The following AMZ1 variants were observed in gnomAD, a reference collection of about 807,000 sequenced individuals.
The protein encoded by AMZ1 is archaemetzincin-1.
Under a neutral mutation model 29.9 loss-of-function variants are expected in AMZ1, and 39 were observed. The ratio of observed to expected loss-of-function variants is 1.30; its 90% CI spans 1.01 to 1.70. The LOEUF is 1.70. AMZ1 is among the 40% of genes most tolerant of loss of function. The pLI is 0.00. For synonymous variants in AMZ1, 458 were observed against 304.0 expected, an observed-to-expected ratio of 1.51 and a Z score of -5.27; for missense variants, 1,041 against 680.6, an observed-to-expected ratio of 1.53 and a Z score of -5.89.
chr7:2,729,151 C>T lies in AMZ1; in HGVS notation n.550+19335C>T, dbSNP rs1209228650. ...TGTCGCCAACAGCGCCGCGAAGAGG[C>T]TCTCCCCGTTGGCGGAGGACCCGCT... On this transcript the variant is annotated intron_variant and non_coding_transcript_variant, in intron 4 of 4. Coordinates refer to the AMZ1 transcript ENST00000489665. 3 of 152,434 alleles carry T rather than the reference C, an allele frequency of 2.0e-5. No homozygotes were observed. In the East Asian group the frequency reaches 5.6e-4, roughly 29 times the overall value. 9.4% of individuals were successfully genotyped at this position (152,434 alleles called of 1,614,324 possible).
intron 1 of AMZ1, among the ~76,000 whole-genome samples, chr7:2,696,520 G>C (rs1171639617): frequency 6.6e-6 from 1 of 150,432 alleles, no homozygotes; most frequent in African/African-American, 2.4e-5. Context: ...GCCTCCCAAA[G>C]TGCTGTGATT....
At chr7:2,692,491 G>A (rs1197066815) in intron 1 of AMZ1, among the ~76,000 whole-genome samples, 1 of 152,162 alleles carries the variant, frequency 6.6e-6, no homozygotes. Context: ...GCAGTGAGCC[G>A]AGATTGTGCC....
chr7:2,708,290 C>G (rs1324984008), intron 3 of AMZ1, among the ~76,000 whole-genome samples: 1 of 152,186 alleles, frequency 6.6e-6, no homozygotes, highest in African/African-American at 2.4e-5. Context: ...GAGGTGGCTT[C>G]TCCTTCCTGG....
intron 1 of AMZ1, among the ~76,000 whole-genome samples, chr7:2,699,999 TC>T (rs1315449064): frequency 6.6e-6 from 1 of 152,094 alleles, no homozygotes; most frequent in Non-Finnish European, 1.5e-5. Flanking sequence ...ACTGTGACCG[TC>T]CCCTGGGTGG....
chr7:2,705,799 G>A (rs1019015537), intron 3 of AMZ1, among the ~76,000 whole-genome samples: 3 of 152,308 alleles, frequency 2.0e-5, no homozygotes, highest in East Asian at 1.9e-4. Flanking sequence ...CTACAGTGGG[G>A]TCTGGGGACA....
chr7:2,744,170 T>C (rs560498204), intron 4 of AMZ1, among the ~76,000 whole-genome samples: 19 of 151,938 alleles, frequency 1.3e-4, no homozygotes, highest in African/African-American at 3.4e-4. Flanking sequence ...TTGAAGAGAG[T>C]AGTGGTTCTC....
rs1487945308 is a variant in AMZ1, at chr7:2,708,722, C to G, written c.601+6C>G. ...CAAGTTCCTTCCAGGGCACGGTGAGCCGGGGCCCCAGCAGCTGTGCGTGGG... is the reference window on the plus strand; with the variant it reads ...CAAGTTCCTTCCAGGGCACGGTGAGGCGGGGCCCCAGCAGCTGTGCGTGGG... On this transcript the variant is annotated splice_donor_region_variant and intron_variant, in intron 4 of 6. Coordinates refer to ENST00000683327, the MANE Select transcript of AMZ1 (RefSeq NM_001384743.1). 4 of 1,612,120 alleles carry G rather than the reference C, an allele frequency of 2.5e-6. No individual in the cohort carries two copies. Among genetic ancestry groups the G allele is most frequent in the Non-Finnish European group, 1.7e-6 (2 of 1,179,982 alleles).
At position 2,712,932 on chromosome 7, in the gene AMZ1, C is replaced by A; in HGVS notation, c.*54C>A. The A allele has an allele frequency of 6.8e-7, 1 of 1,479,450 alleles. No individual in the cohort carries two copies. Among genetic ancestry groups the A allele is most frequent in the East Asian group, 2.4e-5 (1 of 41,562 alleles). The allele number at this position is 1,479,450 out of a possible 1,614,324, so 91.6% of individuals were successfully genotyped here. On this transcript the variant is annotated 3_prime_UTR_variant, in exon 7 of 7. Transcript: ENST00000683327. The stretch of plus-strand genomic sequence containing the variant: ...CCCTAAGGATGCTGGCCAGCACTGT[C>A]CAGTAGCTGAGGCCACTACTGACCT...
At position 2,717,676 on chromosome 7, in the gene AMZ1, C is replaced by G. The variant is rs187043798; in HGVS notation, c.*4798C>G. Among the ~76,000 whole-genome samples the G allele has an allele frequency of 7.9e-5, 12 of 152,308 alleles. No individual in the cohort carries two copies. In the East Asian group the frequency reaches 1.4e-3, roughly 17 times the overall value. On this transcript the variant is annotated 3_prime_UTR_variant, in exon 7 of 7. Coordinates refer to ENST00000683327, the MANE Select transcript of AMZ1 (RefSeq NM_001384743.1). ...CGGCTTGACTGTAAAGAGCCCTGGCCTGCGAACGCTGTTAAAAACAGATGC... is the reference window on the plus strand; with the variant it reads ...CGGCTTGACTGTAAAGAGCCCTGGCGTGCGAACGCTGTTAAAAACAGATGC...
chr7:2,748,565 A>T (rs1356121420), intron 4 of AMZ1, among the ~76,000 whole-genome samples: 5 of 152,110 alleles, frequency 3.3e-5, no homozygotes, highest in Non-Finnish European at 7.4e-5. Context: ...CCCTAGAAGA[A>T]AACCTAGGCA....
rs1353731819 is a variant in AMZ1, at chr7:2,718,957, C to A, written c.*6079C>A. On this transcript the variant is annotated 3_prime_UTR_variant, in exon 7 of 7. Coordinates refer to ENST00000683327, the MANE Select transcript of AMZ1 (RefSeq NM_001384743.1). ...ACAGGAGAGCTCCGGCCATTTATTCCAAATGTATGAGCAGGAAGGAAAGAG... is the reference window on the plus strand; with the variant it reads ...ACAGGAGAGCTCCGGCCATTTATTCAAAATGTATGAGCAGGAAGGAAAGAG... Among the ~76,000 whole-genome samples the A allele has an allele frequency of 6.6e-6, 1 of 151,720 alleles. No homozygotes were observed. The highest frequency in any genetic ancestry group is 2.4e-5 in the African/African-American group (1 of 41,302).
At chr7:2,707,416 A>C (rs146194239) in intron 3 of AMZ1, among the ~76,000 whole-genome samples, 1 of 151,934 alleles carries the variant, frequency 6.6e-6, no homozygotes, top group African/African-American at 2.4e-5. Context: ...TAACTCTGAG[A>C]CCCTCTCCGG....
intron 4 of AMZ1, among the ~76,000 whole-genome samples, chr7:2,726,465 C>T (rs894447603): frequency 2.6e-5 from 4 of 152,202 alleles, no homozygotes; most frequent in African/African-American, 4.8e-5. Flanking sequence ...GCTCAGCACA[C>T]TGCCCGGGTG....
chr7:2,745,378 G>C (rs1053443495), intron 4 of AMZ1, among the ~76,000 whole-genome samples: 5 of 152,204 alleles, frequency 3.3e-5, no homozygotes, highest in Non-Finnish European at 7.3e-5. Flanking sequence ...CATTCTTAAA[G>C]AAAATAATTT....
chr7:2,707,793 G>T (rs1016952871), intron 3 of AMZ1, among the ~76,000 whole-genome samples: 1 of 145,320 alleles, frequency 6.9e-6, no homozygotes, highest in African/African-American at 2.5e-5. Flanking sequence ...TTCTCACCCA[G>T]ACCCCCTGCT....
At chr7:2,682,974 G>A (rs1484865333) in intron 1 of AMZ1, among the ~76,000 whole-genome samples, 2 of 152,202 alleles carry the variant, frequency 1.3e-5, no homozygotes, top group Non-Finnish European at 2.9e-5. Context: ...CCACAGCACT[G>A]TCTGCCTGCA....
chr7:2,744,059 G>A (rs1335938173), intron 4 of AMZ1, among the ~76,000 whole-genome samples: 1 of 152,228 alleles, frequency 6.6e-6, no homozygotes, highest in Non-Finnish European at 1.5e-5. Flanking sequence ...AGCTCAAGGA[G>A]GCCTGCCTGC....
In AMZ1 at chr7:2,731,674, A is replaced by G; in HGVS notation, n.550+21858A>G. On this transcript the variant is annotated intron_variant and non_coding_transcript_variant, in intron 4 of 4. Transcript: ENST00000489665. This position sits in a 1 kb window ranked among gnomAD's most constrained non-coding sequence, Gnocchi z 6.0. ...CACCATCTTAAAGGGGATCTTCTTA[A>G]TAACGAAGTCATGCTCCACAATTCC... 6.2e-7 allele frequency: 1 copy of G among 1,609,712 alleles called. No homozygotes were observed. Among genetic ancestry groups the G allele is most frequent in the Non-Finnish European group, 8.5e-7 (1 of 1,177,854 alleles).
chr7:2,732,546 A>G (rs552951591), intron 4 of AMZ1, among the ~76,000 whole-genome samples: 15 of 152,284 alleles, frequency 9.9e-5, no homozygotes, highest in Admixed American at 2.6e-4. Flanking sequence ...ACCCTGTCTC[A>G]AAAAATCGAA....
Sources: gnomAD v4.1 joint callset for allele counts (sites outside exome capture counted in the v4.1 genomes callset) on GRCh38, gnomAD v4.1.1 for gene constraint, Gnocchi (gnomAD v3.1) non-coding constraint, MANE v1.5 for transcripts, NCBI Gene and HGNC (gene_info 2026-07-23, HGNC 2026-07-21) for gene names.